The following AVL9 variants were observed in gnomAD, a reference collection of about 807,000 sequenced individuals.
AVL9 encodes late secretory pathway protein AVL9 homolog.
In AVL9, 49 loss-of-function variants were observed where a neutral mutation model predicts 79.2. The ratio of observed to expected loss-of-function variants is 0.62; its 90% CI spans 0.49 to 0.79. The LOEUF is 0.79. Among genes scored for constraint, AVL9 ranks in the 30% least tolerant of loss-of-function variants. The pLI, the probability that AVL9 is intolerant of heterozygous loss-of-function variation, is 0.00. For synonymous variants in AVL9, 299 were observed against 280.6 expected (o/e 1.07, Z -0.65); for missense variants, 682 against 776.8 (o/e 0.88, Z 1.45).
At position 32,570,168 on chromosome 7, in the gene AVL9, T is replaced by A; in HGVS notation, c.1350+14T>A. On this transcript the variant is annotated intron_variant, in intron 11 of 15. Coordinates refer to ENST00000318709, the MANE Select transcript of AVL9 (RefSeq NM_015060.3). ...GCCATTGTGGAAGTACGTTTATGTG[T>A]GAGTGTGTGTATTTGGCCCTGCTCA... 6.2e-7 allele frequency: 1 copy of A among 1,613,990 alleles called. No homozygotes were observed. Among genetic ancestry groups the A allele is most frequent in the Admixed American group, 1.7e-5 (1 of 60,006 alleles).
rs1562801710 is a variant in AVL9 at position 32,579,454 on chromosome 7, TATATTATATATA to T, written c.1689-760_1689-749del. ...TATATATATTATATATAATATATTA[TATATTATATATA>T]ATATATTATATTATATATAATATAT... On this transcript the variant is annotated intron_variant, in intron 13 of 15. Transcript: ENST00000318709. Among the ~76,000 whole-genome samples the T allele has an allele frequency of 3.9e-3, 28 of 7,108 alleles. 5 individuals are homozygous for T. The highest frequency in any genetic ancestry group is 0.018 in the African/African-American group (24 of 1,316). 4.7% of individuals were successfully genotyped at this position (7,108 alleles called of 152,430 possible). A position where few individuals can be genotyped will look rare whatever the true frequency, so the allele number is the denominator to read the frequency against.
At chr7:32,568,428 T>G (rs960964743) in intron 10 of AVL9, among the ~76,000 whole-genome samples, 2 of 152,116 alleles carry the variant, frequency 1.3e-5, no homozygotes, top group African/African-American at 4.8e-5. Flanking sequence ...CTCGAACTCC[T>G]GACCTCAAGT....
chr7:32,517,223 G>A (rs1194140267), intron 1 of AVL9, among the ~76,000 whole-genome samples: 2 of 151,882 alleles, frequency 1.3e-5, no homozygotes, highest in Non-Finnish European at 2.9e-5. Flanking sequence ...GACCAAATGT[G>A]GCTTAAACTT....
chr7:32,570,224 G>T, intron 11 of AVL9, 70 bp downstream of exon 11: 1 of 1,570,820 alleles, frequency 6.4e-7, no homozygotes. Context: ...CTACAATTAT[G>T]AATACATAGT....
intron 1 of AVL9, among the ~76,000 whole-genome samples, chr7:32,511,565 GA>G (rs1787674719): frequency 6.6e-6 from 1 of 152,034 alleles, no homozygotes; most frequent in Non-Finnish European, 1.5e-5. Flanking sequence ...GGGCGAGGGG[GA>G]AAGATAGGAG....
chr7:32,548,805 G>T lies in AVL9; in HGVS notation c.301-42G>T, dbSNP rs372534724. The T allele has an allele frequency of 1.5e-4, 195 of 1,295,706 alleles. 2 individuals carry two copies. In the South Asian group the frequency reaches 2.2e-3, roughly 15 times the overall value. The allele number at this position is 1,295,706 out of a possible 1,614,324, so 80.3% of individuals were successfully genotyped here. A position where few individuals can be genotyped will look rare whatever the true frequency, so the allele number is the denominator to read the frequency against. ...GTTGAAAAAATATTTTTGAAATATTGCTATGAAATATTTCTGATAAATTGC... is the reference window on the plus strand; with the variant it reads ...GTTGAAAAAATATTTTTGAAATATTTCTATGAAATATTTCTGATAAATTGC... On this transcript the variant is annotated intron_variant, in intron 3 of 15. Coordinates refer to ENST00000318709, the MANE Select transcript of AVL9 (RefSeq NM_015060.3).
rs1227025763 is a variant in AVL9, at chr7:32,548,144, C to CTCTCTTTTTTTTTTTTTTT, written c.301-702_301-701insCTCTTTTTTTTTTTTTTTT. On this transcript the variant is annotated intron_variant, in intron 3 of 15. Transcript: ENST00000318709. ...AACAAGCTGTCTGTTTTTGTCATCT[C>CTCTCTTTTTTTTTTTTTTT]TTTTTTCTTTTTTTTTTTTTTGAGA... 2.7e-3 allele frequency among the ~76,000 whole-genome samples: 157 copies of CTCTCTTTTTTTTTTTTTTT among 57,538 alleles called. 3 individuals are homozygous for CTCTCTTTTTTTTTTTTTTT. The highest frequency in any genetic ancestry group is 8.0e-3 in the African/African-American group (147 of 18,476). 37.7% of individuals were successfully genotyped at this position (57,538 alleles called of 152,430 possible).
In AVL9 at chr7:32,558,624, TC is replaced by T. The variant is rs1203497634; in HGVS notation, c.677del (p.Pro226GlnfsTer3). 4 of 1,608,848 alleles carry T rather than the reference TC, an allele frequency of 2.5e-6. No homozygotes were observed. Among genetic ancestry groups the T allele is most frequent in the Non-Finnish European group, 3.4e-6 (4 of 1,177,782 alleles). ...CACTGATGACTGTGTTATCCCTTTT[TC>T]CAGGTAAGAAAACAGCAGTATCTAC... The part of the protein sequence containing the change: ...GALMTVLSLF[P>X]GMIEHGLSDC... On this transcript the variant is annotated frameshift_variant, in exon 9 of 16. Coordinates refer to ENST00000318709, the MANE Select transcript of AVL9 (RefSeq NM_015060.3). LOFTEE classifies it high-confidence loss of function.
At chr7:32,533,343 G>C (rs573187496) in intron 1 of AVL9, 1 of 152,172 alleles carries the variant, frequency 6.6e-6, no homozygotes, top group East Asian at 1.9e-4. Flanking sequence ...ACTTTTAATT[G>C]GTAAGTCTCA....
chr7:32,525,320 G>A (rs187485386), intron 1 of AVL9, among the ~76,000 whole-genome samples: 9 of 152,274 alleles, frequency 5.9e-5, no homozygotes, highest in Admixed American at 3.3e-4. Context: ...AACAGTTGGA[G>A]ACACTGGTTA....
rs564041066 is a variant in AVL9, at chr7:32,558,569, A to C, written c.620A>C (p.Tyr207Ser). The C allele has an allele frequency of 6.2e-7, 1 of 1,609,588 alleles. No homozygotes were observed. The highest frequency in any genetic ancestry group is 1.3e-5 in the African/African-American group (1 of 74,656). ...TTGACTCCATTCCAGGTTCTTTTTT[A>C]TATTTCTCCAGTGAATAAATTGGTG... ...LILLEKKVLF[Y>S]ISPVNKLVGA... is the part of the protein sequence containing the mutation. Residue 207 changes from tyrosine to serine, a missense_variant, in exon 9 of 16, where the codon TAT (tyrosine) becomes TCT (serine). Transcript: ENST00000318709.
intron 7 of AVL9, 82 bp from the exon 8 acceptor site, chr7:32,554,476 T>G (rs1453212705): frequency 3.5e-6 from 3 of 866,170 alleles, no homozygotes; most frequent in Non-Finnish European, 5.3e-6. Context: ...TTACTGATTA[T>G]GGTTATGTTT....
intron 1 of AVL9, chr7:32,539,041 C>T (rs1030509199): frequency 2.0e-5 from 3 of 152,232 alleles, no homozygotes; most frequent in African/African-American, 7.2e-5. Flanking sequence ...CACCTAAAGT[C>T]GGGAGTTTGA....
At chr7:32,546,067 G>C (rs1201147604) in intron 3 of AVL9, among the ~76,000 whole-genome samples, 1 of 49,158 alleles carries the variant, frequency 2.0e-5, no homozygotes, top group Admixed American at 2.7e-4. Context: ...ATTACCTGGA[G>C]ACTTTTTTTT....
intron 1 of AVL9, chr7:32,532,253 C>T (rs1583529405): frequency 6.6e-6 from 1 of 152,340 alleles, no homozygotes; most frequent in East Asian, 1.9e-4. Flanking sequence ...GCCGTAGTCC[C>T]TGACATCTAG....
intron 1 of AVL9, 82 bp downstream of exon 1, chr7:32,495,884 C>A (rs1290666107): frequency 3.2e-6 from 3 of 934,450 alleles, no homozygotes; most frequent in Non-Finnish European, 4.3e-6. Context: ...TCTGTGTGCT[C>A]AGCTCGCGTC....
chr7:32,554,637 CT>C (rs1789981427), intron 8 of AVL9, 41 bp downstream of exon 8: 1 of 1,235,718 alleles, frequency 8.1e-7, no homozygotes, highest in Non-Finnish European at 1.1e-6. Context: ...GAGTATTTAA[CT>C]TTTATTCACT....
intron 1 of AVL9, among the ~76,000 whole-genome samples, chr7:32,516,963 C>T (rs150763840): frequency 6.8e-4 from 104 of 152,246 alleles, no homozygotes; most frequent in African/African-American, 2.3e-3. Context: ...CTATAAGGTT[C>T]CTAAGTTATC....
chr7:32,509,371 G>A (rs1273397023), intron 1 of AVL9, among the ~76,000 whole-genome samples: 1 of 152,154 alleles, frequency 6.6e-6, no homozygotes, highest in Admixed American at 6.5e-5. Context: ...CTTGTACCCT[G>A]TGTGTGAGTT....
Sources: allele counts gnomAD v4.1 joint callset (sites outside exome capture counted in the v4.1 genomes callset), GRCh38; gene constraint gnomAD v4.1.1; transcripts MANE v1.5; gene names NCBI Gene and HGNC (gene_info 2026-07-23, HGNC 2026-07-21).